The following CLASP1 variants were observed in gnomAD, a reference collection of about 807,000 sequenced individuals.
CLASP1 encodes cytoplasmic linker associated protein 1, also known as CLIP-associating protein 1.
Under a neutral mutation model 192.3 loss-of-function variants are expected in CLASP1, and 38 were observed. The ratio of observed to expected loss-of-function variants is 0.20; its 90% CI spans 0.15 to 0.26. The LOEUF (loss-of-function observed/expected upper bound fraction) is 0.26. Among genes scored for constraint, CLASP1 ranks in the 10% least tolerant of loss-of-function variants. The pLI, the probability that CLASP1 is intolerant of heterozygous loss-of-function variation, is 1.00. For missense variants in CLASP1, 1,433 were observed against 1,932.5 expected (o/e 0.74, Z 4.85); for synonymous variants, 691 against 712.8 (o/e 0.97, Z 0.49).
rs190391099 is a variant in CLASP1 at position 121,450,663 on chromosome 2, A to G, written c.1523+250T>C. The stretch of plus-strand genomic sequence containing the variant: ...ATGTATACAACTGCCTTCCAGAGCT[A>G]TGTGATAATTTGTGACGAATGTAAA... On this transcript the variant is annotated intron_variant, in intron 16 of 39. Coordinates refer to ENST00000263710, the Ensembl canonical transcript of CLASP1. Among the ~76,000 whole-genome samples, 10 of 152,300 alleles carry G rather than the reference A, an allele frequency of 6.6e-5. No homozygotes were observed. The East Asian group carries it at 1.9e-3, about 29-fold the overall frequency.
chr2:121,529,448 T>A (rs1043197985), intron 3 of CLASP1, among the ~76,000 whole-genome samples: 23 of 152,180 alleles, frequency 1.5e-4, no homozygotes, highest in Non-Finnish European at 2.9e-4. Context: ...TTTTTTAAAT[T>A]TGTAAACAGT....
At chr2:121,396,030 A>G (rs2075227905) in intron 30 of CLASP1, among the ~76,000 whole-genome samples, 2 of 152,352 alleles carry the variant, frequency 1.3e-5, no homozygotes, top group Admixed American at 1.3e-4. Context: ...AAGGAACCCC[A>G]ATCGAAAAAA....
chr2:121,600,426 T>C (rs1576367751), intron 2 of CLASP1, among the ~76,000 whole-genome samples: 2 of 152,244 alleles, frequency 1.3e-5, no homozygotes, highest in Admixed American at 1.3e-4. Context: ...AGCAAGTTAG[T>C]GGTAAACCCC....
intron 22 of CLASP1, among the ~76,000 whole-genome samples, chr2:121,419,901 T>A (rs1347032221): frequency 6.6e-6 from 1 of 152,174 alleles, no homozygotes; most frequent in African/African-American, 2.4e-5. Context: ...AACAAGTATG[T>A]TTCTATACTG....
At position 121,437,633 on chromosome 2, in the gene CLASP1, T is replaced by A. The variant is rs74922596; in HGVS notation, c.1913-7456A>T. Among the ~76,000 whole-genome samples, 667 of 152,332 alleles carry A rather than the reference T, an allele frequency of 4.4e-3. 4 individuals are homozygous for A. Among genetic ancestry groups the A allele is most frequent in the African/African-American group, 0.015 (623 of 41,574 alleles). ...TGCACATTCTCGAGGGAGATTACTT[T>A]CCCCCTCTAACCAGCACCAGAGTTA... On this transcript the variant is annotated intron_variant, in intron 19 of 39. Transcript: ENST00000263710.
chr2:121,344,057 T>A (rs2063125140), intron 39 of CLASP1, among the ~76,000 whole-genome samples: 1 of 151,524 alleles, frequency 6.6e-6, no homozygotes. Flanking sequence ...GGTGACAGAG[T>A]GAGACTCTAT....
chr2:121,419,179 C>G (rs1383159463), intron 22 of CLASP1, among the ~76,000 whole-genome samples: 3 of 152,114 alleles, frequency 2.0e-5, no homozygotes, highest in Non-Finnish European at 4.4e-5. Flanking sequence ...AACAGAATAA[C>G]CACACTGGTC....
intron 28 of CLASP1, among the ~76,000 whole-genome samples, chr2:121,399,061 T>A (rs1219093085): frequency 1.3e-5 from 2 of 152,202 alleles, no homozygotes; most frequent in African/African-American, 2.4e-5. Context: ...TGATGTAACT[T>A]CCATATTAAC....
exon 26 of CLASP1, chr2:121,404,416 C>T (rs1168818072): frequency 8.1e-6 from 13 of 1,611,880 alleles, no homozygotes; most frequent in Non-Finnish European, 1.1e-5. Flanking sequence ...TCTCACACAA[C>T]CTTTTCAGTT....
chr2:121,477,667 GACT>G (rs1286107573), intron 8 of CLASP1, among the ~76,000 whole-genome samples: 3 of 152,118 alleles, frequency 2.0e-5, no homozygotes, highest in African/African-American at 4.8e-5. Context: ...CAATTTTAAA[GACT>G]ACTTATTGTG....
intron 8 of CLASP1, among the ~76,000 whole-genome samples, chr2:121,478,248 G>A (rs151292668): frequency 5.3e-5 from 8 of 151,950 alleles, no homozygotes; most frequent in African/African-American, 1.5e-4. Context: ...ACAGTAAAAC[G>A]CTTTCATGCT....
At chr2:121,377,523 T>G (rs771319840) in exon 34 of CLASP1, 14 of 1,605,354 alleles carry the variant, frequency 8.7e-6, no homozygotes, top group Non-Finnish European at 1.0e-5. Context: ...TTTTGCCATC[T>G]CGTTTAATTG....
At chr2:121,447,829 C>T (rs981324451) in intron 18 of CLASP1, among the ~76,000 whole-genome samples, 1 of 152,274 alleles carries the variant, frequency 6.6e-6, no homozygotes, top group Admixed American at 6.5e-5. Flanking sequence ...ACATCTAGGG[C>T]GTCTCCTCAT....
At chr2:121,614,603 G>A (rs746894626) in intron 1 of CLASP1, among the ~76,000 whole-genome samples, 6 of 152,194 alleles carry the variant, frequency 3.9e-5, no homozygotes, top group African/African-American at 7.2e-5. Flanking sequence ...AATCTAACAC[G>A]TATGTACTCA....
intron 19 of CLASP1, among the ~76,000 whole-genome samples, chr2:121,430,781 T>C (rs2081258423): frequency 1.3e-5 from 2 of 151,872 alleles, no homozygotes; most frequent in African/African-American, 4.8e-5. Flanking sequence ...AAGATAAAGC[T>C]AAAAAGAGAG....
intron 8 of CLASP1, 54 bp from the exon 9 acceptor site, chr2:121,470,014 C>T (rs747172657): frequency 1.4e-5 from 18 of 1,242,878 alleles, no homozygotes; most frequent in South Asian, 4.1e-5. Context: ...ACTATATATA[C>T]ATATATATAT....
chr2:121,364,796 C>A (rs1368907749), intron 36 of CLASP1: 5 of 381,220 alleles, frequency 1.3e-5, no homozygotes, highest in African/African-American at 1.0e-4. Context: ...ACATTCTATG[C>A]TAATAAAGTT....
chr2:121,392,665 G>A (rs2074580572), intron 30 of CLASP1, among the ~76,000 whole-genome samples: 1 of 152,200 alleles, frequency 6.6e-6, no homozygotes, highest in Non-Finnish European at 1.5e-5. Flanking sequence ...AGTGGCAGAG[G>A]CAGATGTCAA....
chr2:121,462,438 C>T, intron 10 of CLASP1, 94 bp downstream of exon 10: 1 of 689,220 alleles, frequency 1.5e-6, no homozygotes, highest in Non-Finnish European at 2.5e-6. Context: ...ATTACCTGAC[C>T]TAGTAAACAA....
Sources: gnomAD v4.1 joint callset for allele counts (sites outside exome capture counted in the v4.1 genomes callset) on GRCh38, gnomAD v4.1.1 for gene constraint, MANE v1.5 for transcripts, NCBI Gene and HGNC (gene_info 2026-07-23, HGNC 2026-07-21) for gene names.